Variants in LRRFIP2 observed in about 807,000 individuals in gnomAD.
LRRFIP2 encodes the protein leucine-rich repeat flightless-interacting protein 2.
In LRRFIP2, 109 loss-of-function variants were observed where a neutral mutation model predicts 125.9. That is an observed-to-expected ratio of 0.87 (90% CI 0.74 to 1.01). LRRFIP2 has a LOEUF of 1.01. Ranked by LOEUF, LRRFIP2 falls within the 50% of genes least tolerant of loss-of-function variation. The pLI is 0.00. For missense variants in LRRFIP2, 850 were observed against 862.3 expected (o/e 0.99, Z 0.18); for synonymous variants, 291 against 293.1 (o/e 0.99, Z 0.07).
At chr3:37,145,588 C>T (rs2095838280) in intron 2 of LRRFIP2, among the ~76,000 whole-genome samples, 1 of 152,160 alleles carries the variant, frequency 6.6e-6, no homozygotes, top group African/African-American at 2.4e-5. Context: ...GCTTCTGATA[C>T]ATTTTAGAGA....
chr3:37,164,441 G>A (rs2096424585), intron 1 of LRRFIP2, among the ~76,000 whole-genome samples: 2 of 152,096 alleles, frequency 1.3e-5, no homozygotes, highest in African/African-American at 4.8e-5. Flanking sequence ...AATATGGCAG[G>A]GCATGGCGGC....
chr3:37,108,106 T>G lies in LRRFIP2; in HGVS notation c.681A>C (p.Ser227=). The G allele has an allele frequency of 6.2e-7, 1 of 1,613,850 alleles. No homozygotes were observed. Residue 227 remains serine (S), a synonymous_variant, in exon 13 of 28, where the codon TCA becomes TCC. Coordinates refer to ENST00000336686, the MANE Select transcript of LRRFIP2 (RefSeq NM_006309.4). ...PRTPSECSYY[S]SRISSARSSP... is the part of the protein sequence containing the mutation. ...TGCTTCGGGCTGAACTTATTCTTGATGAATAATAACTGCATTCAGATGGCT... is the reference window on the plus strand; with the variant it reads ...TGCTTCGGGCTGAACTTATTCTTGAGGAATAATAACTGCATTCAGATGGCT...
chr3:37,175,527 T>C (rs565097141), upstream of LRRFIP2, among the ~76,000 whole-genome samples: 2 of 152,334 alleles, frequency 1.3e-5, no homozygotes, highest in South Asian at 4.1e-4. Flanking sequence ...CAGGGCTGAC[T>C]GGAGTTCTGT....
At chr3:37,108,789 A>G (rs879152815) in intron 11 of LRRFIP2, 105 bp from the exon 12 acceptor site, 77 of 824,798 alleles carry the variant, frequency 9.3e-5, no homozygotes, top group South Asian at 1.9e-4. Context: ...TTGGAGAATG[A>G]TATAAGTGTA....
At chr3:37,151,106 T>TA (rs1162204608) in intron 1 of LRRFIP2, among the ~76,000 whole-genome samples, 1 of 152,098 alleles carries the variant, frequency 6.6e-6, no homozygotes, top group African/African-American at 2.4e-5. Flanking sequence ...ATGCCTGTAA[T>TA]ACAACACTTT....
chr3:37,091,220 A>G (rs1559795133), intron 18 of LRRFIP2, among the ~76,000 whole-genome samples: 1 of 123,258 alleles, frequency 8.1e-6, no homozygotes, highest in African/African-American at 3.1e-5. Flanking sequence ...TACAAGAAAA[A>G]TAAAAAAGAA....
intron 15 of LRRFIP2, among the ~76,000 whole-genome samples, chr3:37,101,162 C>T (rs1378273970): frequency 6.6e-6 from 1 of 151,256 alleles, no homozygotes; most frequent in African/African-American, 2.4e-5. Context: ...TCAAGACCAA[C>T]CTGGCCAAGA....
At chr3:37,108,823 G>C (rs2094446427) in intron 11 of LRRFIP2, 139 bp from the exon 12 acceptor site, 2 of 602,022 alleles carry the variant, frequency 3.3e-6, no homozygotes, top group East Asian at 5.9e-5. Context: ...TGAAAACCCT[G>C]AAGGCGGTAA....
At chr3:37,070,997 A>G (rs2091087876) in intron 21 of LRRFIP2, among the ~76,000 whole-genome samples, 1 of 152,140 alleles carries the variant, frequency 6.6e-6, no homozygotes, top group African/African-American at 2.4e-5. Flanking sequence ...TTCACCTCTT[A>G]TATTTCCCAA....
intron 21 of LRRFIP2, among the ~76,000 whole-genome samples, chr3:37,071,023 A>G (rs974327308): frequency 5.9e-5 from 9 of 152,240 alleles, no homozygotes; most frequent in Non-Finnish European, 1.0e-4. Flanking sequence ...AATTTAAATC[A>G]AATCAATGGT....
At position 37,053,508 on chromosome 3, in the gene LRRFIP2, A is replaced by C; in HGVS notation, c.*343T>G. ...AAGTATCTCAGTGAGCACTCATAGA[A>C]TTGCTGTCTGTCCTCCAGAACCCGT... On this transcript the variant is annotated 3_prime_UTR_variant, in exon 28 of 28. Transcript: ENST00000336686. 3.8e-6 allele frequency: 1 copy of C among 262,720 alleles called. No individual in the cohort carries two copies. Among genetic ancestry groups the C allele is most frequent in the East Asian group, 1.0e-4 (1 of 9,990 alleles). The allele number at this position is 262,720 out of a possible 1,614,324, so 16.3% of individuals were successfully genotyped here.
chr3:37,114,915 G>C, intron 7 of LRRFIP2, 139 bp downstream of exon 7: 1 of 630,494 alleles, frequency 1.6e-6, no homozygotes, highest in South Asian at 2.2e-5. Flanking sequence ...CAAAACATTA[G>C]CTTTTTGCTT....
rs2086004393 is a variant in LRRFIP2, at chr3:37,053,609, A to AGAT, written c.*239_*241dup. On this transcript the variant is annotated 3_prime_UTR_variant, in exon 28 of 28. Coordinates refer to ENST00000336686, the MANE Select transcript of LRRFIP2 (RefSeq NM_006309.4). ...AGTAAACATGATTCTACAATTACGGAGATAAAAAATAAAAACAGCATGGAC... is the reference window on the plus strand; with the variant it reads ...AGTAAACATGATTCTACAATTACGGAGATGATAAAAAATAAAAACAGCATGGAC... The AGAT allele has an allele frequency of 4.4e-6, 2 of 453,108 alleles. No homozygotes were observed. The highest frequency in any genetic ancestry group is 8.0e-6 in the Non-Finnish European group (2 of 250,966). The allele number at this position is 453,108 out of a possible 1,614,324, so 28.1% of individuals were successfully genotyped here.
Position 37,063,300 on chromosome 3 carries a change from G to A in LRRFIP2, c.1749+442C>T, listed in dbSNP as rs1208875483. On this transcript the variant is annotated intron_variant, in intron 24 of 27. Transcript: ENST00000336686. ...ATATAAGAGTGGAAAATAAGTATGT[G>A]TGTGGCAGGGACAAAGGATGAAAAA... Among the ~76,000 whole-genome samples, 4 of 152,182 alleles carry A rather than the reference G, an allele frequency of 2.6e-5. No homozygotes were observed. In the East Asian group the frequency reaches 7.7e-4, roughly 29 times the overall value.
intron 13 of LRRFIP2, 94 bp from the exon 14 acceptor site, chr3:37,105,617 T>A: frequency 3.7e-6 from 3 of 815,426 alleles, no homozygotes; most frequent in Non-Finnish European, 6.3e-6. Context: ...GAGATGCATA[T>A]GAATAACTAT....
chr3:37,102,704 G>A (rs943363397), intron 15 of LRRFIP2, among the ~76,000 whole-genome samples: 4 of 151,812 alleles, frequency 2.6e-5, no homozygotes, highest in South Asian at 4.1e-4. Flanking sequence ...GTTTCACCAC[G>A]TTGGCCAGGC....
chr3:37,058,279 C>T (rs1264325356), intron 25 of LRRFIP2, among the ~76,000 whole-genome samples: 1 of 152,230 alleles, frequency 6.6e-6, no homozygotes, highest in African/African-American at 2.4e-5. Context: ...CTGAAGCACA[C>T]AGGCTAGTGG....
chr3:37,131,569 G>C lies in LRRFIP2; in HGVS notation c.91-2420C>G, dbSNP rs2095429095. On this transcript the variant is annotated intron_variant, in intron 2 of 27. Coordinates refer to ENST00000336686, the MANE Select transcript of LRRFIP2 (RefSeq NM_006309.4). ...ATATGGTAGTGGAATGGTTTCCTCT[G>C]TCCTTGGTCACATCCTAACTCTGAT... Among the ~76,000 whole-genome samples, 4 of 152,194 alleles carry C rather than the reference G, an allele frequency of 2.6e-5. No homozygotes were observed. The South Asian group carries it at 8.3e-4, about 32-fold the overall frequency.
chr3:37,123,937 G>A lies in LRRFIP2; in HGVS notation c.229-2246C>T, dbSNP rs2095172534. Among the ~76,000 whole-genome samples, 3 of 152,080 alleles carry A rather than the reference G, an allele frequency of 2.0e-5. No homozygotes were observed. The South Asian group carries it at 6.2e-4, about 32-fold the overall frequency. On this transcript the variant is annotated intron_variant, in intron 4 of 27. Coordinates refer to ENST00000336686, the MANE Select transcript of LRRFIP2 (RefSeq NM_006309.4). ...ATACCTTATTAAGTATTGATACATA[G>A]TACCTCTATATTTAAACAGCTTTTC...
Sources: allele counts gnomAD v4.1 joint callset (sites outside exome capture counted in the v4.1 genomes callset), GRCh38; gene constraint gnomAD v4.1.1; transcripts MANE v1.5; gene names NCBI Gene and HGNC (gene_info 2026-07-23, HGNC 2026-07-21).